The following APLF variants were observed in gnomAD, a reference collection of about 807,000 sequenced individuals.
APLF encodes aprataxin and PNK-like factor.
In APLF, 61 loss-of-function variants were observed where a neutral mutation model predicts 55.6. That is an observed-to-expected ratio of 1.10 (90% CI 0.89 to 1.36). The LOEUF (loss-of-function observed/expected upper bound fraction) is 1.36, where lower values mean the gene tolerates loss of function less well. Ranked by LOEUF, APLF falls within the 40% of genes most tolerant of loss-of-function variation. The pLI is 0.00. For synonymous variants in APLF, 207 were observed against 214.8 expected (o/e 0.96, Z 0.32); for missense variants, 611 against 602.5 (o/e 1.01, Z -0.15).
At chr2:68,511,330 GATAAA>G in intron 3 of APLF, among the ~76,000 whole-genome samples, 1 of 151,532 alleles carries the variant, frequency 6.6e-6, no homozygotes, top group East Asian at 1.9e-4. Context: ...TGTATTTGAA[GATAAA>G]ATAAAAATAT....
chr2:68,487,365 A>G (rs1676217201), intron 1 of APLF, among the ~76,000 whole-genome samples: 1 of 152,146 alleles, frequency 6.6e-6, no homozygotes, highest in Non-Finnish European at 1.5e-5. Context: ...TAAGAGCATG[A>G]ATGGTTCTGG....
At chr2:68,543,177 G>A (rs1488365959) in intron 7 of APLF, among the ~76,000 whole-genome samples, 2 of 152,142 alleles carry the variant, frequency 1.3e-5, no homozygotes, top group East Asian at 3.9e-4. Context: ...TTCCGGGGAG[G>A]ACAGGAGGAG....
At chr2:68,546,032 T>C (rs1197664173) in intron 8 of APLF, among the ~76,000 whole-genome samples, 1 of 152,166 alleles carries the variant, frequency 6.6e-6, no homozygotes, top group Non-Finnish European at 1.5e-5. Context: ...CTGAACCTAC[T>C]GGGCTATTTG....
chr2:68,509,569 C>T (rs1676980193), intron 3 of APLF, among the ~76,000 whole-genome samples: 1 of 152,030 alleles, frequency 6.6e-6, no homozygotes, highest in South Asian at 2.1e-4. Flanking sequence ...CAGGAAACAA[C>T]AGGTGCTGGA....
At chr2:68,523,906 GA>G (rs201213796) in intron 5 of APLF, among the ~76,000 whole-genome samples, 10 of 149,540 alleles carry the variant, frequency 6.7e-5, no homozygotes, top group African/African-American at 2.2e-4. Context: ...TTCTCATGCA[GA>G]AAAAAAAAAT....
At chr2:68,482,469 AG>A (rs1675992464) in intron 1 of APLF, among the ~76,000 whole-genome samples, 1 of 152,148 alleles carries the variant, frequency 6.6e-6, no homozygotes, top group Non-Finnish European at 1.5e-5. Flanking sequence ...TTGTTGAGCC[AG>A]GGGTATGCAT....
At chr2:68,477,796 C>T (rs1675825283) in intron 1 of APLF, among the ~76,000 whole-genome samples, 1 of 152,162 alleles carries the variant, frequency 6.6e-6, no homozygotes, top group Non-Finnish European at 1.5e-5. Flanking sequence ...TCTTACATGG[C>T]ATCAGGCAAG....
intron 1 of APLF, among the ~76,000 whole-genome samples, chr2:68,475,186 T>C (rs988705213): frequency 8.5e-5 from 13 of 152,216 alleles, no homozygotes; most frequent in Non-Finnish European, 1.9e-4. Flanking sequence ...AAGCTTTCCT[T>C]ATGTCTTTAC....
chr2:68,548,890 GC>G (rs1316507531), intron 8 of APLF, among the ~76,000 whole-genome samples: 4 of 151,880 alleles, frequency 2.6e-5, no homozygotes, highest in Non-Finnish European at 5.9e-5. Flanking sequence ...CAAACCACTT[GC>G]TACCCCATCC....
intron 9 of APLF, among the ~76,000 whole-genome samples, chr2:68,572,598 G>A (rs973429757): frequency 6.6e-6 from 1 of 152,222 alleles, no homozygotes; most frequent in African/African-American, 2.4e-5. Context: ...CACTCTGGGA[G>A]GCCAAGGCAG....
Position 68,545,310 on chromosome 2 carries a change from T to C in APLF, c.1284T>C (p.Tyr428=), listed in dbSNP as rs142806596. 32 of 1,612,592 alleles carry C rather than the reference T, an allele frequency of 2.0e-5. No homozygotes were observed. The African/African-American group carries it at 2.3e-4, about 11-fold the overall frequency. ...RPECPYGPSC[Y]RKNPQHKIEY... is the part of the protein sequence containing the mutation. Reference sequence around the variant, plus strand: ...AATGTCCCTATGGACCATCCTGTTATAGGTATAGAAACTGAATGTTTGGCT... The same window carrying C: ...AATGTCCCTATGGACCATCCTGTTACAGGTATAGAAACTGAATGTTTGGCT... Residue 428 remains tyrosine, a splice_region_variant and synonymous_variant, in exon 8 of 10, where the codon TAT becomes TAC. Transcript: ENST00000303795.
chr2:68,502,151 C>T (rs2103932203), intron 2 of APLF, among the ~76,000 whole-genome samples: 1 of 152,272 alleles, frequency 6.6e-6, no homozygotes, highest in East Asian at 1.9e-4. Flanking sequence ...TTCATGAGGA[C>T]ATTTCCCTTA....
At chr2:68,491,679 T>A (rs1234552592) in intron 2 of APLF, among the ~76,000 whole-genome samples, 1 of 152,194 alleles carries the variant, frequency 6.6e-6, no homozygotes, top group African/African-American at 2.4e-5. Flanking sequence ...TGTTACATGA[T>A]TATATTGTGA....
rs766698427 is a variant in APLF at position 68,526,098 on chromosome 2, C to A, written c.660C>A (p.Cys220Ter). 2 of 1,613,082 alleles carry A rather than the reference C, an allele frequency of 1.2e-6. No homozygotes were observed. The highest frequency in any genetic ancestry group is 3.3e-5 in the Admixed American group (2 of 59,876). ...AGGGAAGTGGAAAAGAAGAAATCTG[C>A]AAAGATAAATCCCAGCTAAACACAA... Reference protein sequence around the residue: ...VIQGSGKEEICKDKSQLNTTQ... With the variant: ...VIQGSGKEEI Residue 220 changes from cysteine (C) to a stop codon, truncating the protein, a stop_gained, in exon 6 of 10, where the codon TGC (cysteine) becomes TGA (stop). Coordinates refer to ENST00000303795, the MANE Select transcript of APLF (RefSeq NM_173545.3). LOFTEE classifies it high-confidence loss of function.
rs762012094 is a variant in APLF at position 68,578,128 on chromosome 2, A to G, written c.*106A>G. ...AGTGACAGTTATTTTCCTTCTTTTG[A>G]TAGTTAATGACTTTTACTACTGACT... is the stretch of plus-strand genomic sequence containing the variant. On this transcript the variant is annotated 3_prime_UTR_variant, in exon 10 of 10. Transcript: ENST00000303795. 8.9e-6 allele frequency: 13 copies of G among 1,457,320 alleles called. No individual in the cohort carries two copies. The highest frequency in any genetic ancestry group is 1.5e-5 in the South Asian group (1 of 68,128). 90.3% of individuals were successfully genotyped at this position (1,457,320 alleles called of 1,614,324 possible).
intron 1 of APLF, among the ~76,000 whole-genome samples, chr2:68,480,017 C>T (rs932379480): frequency 3.3e-5 from 5 of 152,056 alleles, no homozygotes; most frequent in African/African-American, 1.2e-4. Context: ...TAAGAATATA[C>T]TGTAAAATAC....
intron 5 of APLF, among the ~76,000 whole-genome samples, chr2:68,516,652 A>G (rs1237127975): frequency 1.3e-5 from 2 of 149,896 alleles, no homozygotes; most frequent in African/African-American, 2.4e-5. Context: ...GCATCCTTAT[A>G]CCTTAGCTCC....
At chr2:68,512,430 A>G (rs993828544) in intron 3 of APLF, among the ~76,000 whole-genome samples, 2 of 151,776 alleles carry the variant, frequency 1.3e-5, no homozygotes, top group African/African-American at 4.8e-5. Flanking sequence ...AAATTTTCGA[A>G]AAGACAAATT....
chr2:68,494,844 C>T (rs6705027), intron 2 of APLF, among the ~76,000 whole-genome samples: 23,677 of 152,122 alleles, frequency 0.16, 4,112 homozygotes, highest in African/African-American at 0.43. Context: ...TGTTCCTTTT[C>T]ATGGCTGCAG....
Sources: allele counts gnomAD v4.1 joint callset (sites outside exome capture counted in the v4.1 genomes callset), GRCh38; gene constraint gnomAD v4.1.1; transcripts MANE v1.5; gene names NCBI Gene and HGNC (gene_info 2026-07-23, HGNC 2026-07-21).